Variants in LATS2 observed in about 807,000 individuals in gnomAD.
LATS2 encodes large tumor suppressor kinase 2.
LATS2 carries 24 observed loss-of-function variants against 76.0 expected under a neutral mutation model. The ratio of observed to expected loss-of-function variants is 0.32; its 90% CI spans 0.23 to 0.44. The LOEUF (loss-of-function observed/expected upper bound fraction) is 0.44, where lower values mean the gene tolerates loss of function less well. LATS2 is among the 20% of genes least tolerant of loss of function. LATS2 has a pLI of 1.00. For missense variants in LATS2, 1,286 were observed against 1,481.2 expected (o/e 0.87, Z 2.16); for synonymous variants, 692 against 635.4 (o/e 1.09, Z -1.34).
chr13:21,027,972 C>T (rs1170928978), intron 2 of LATS2, among the ~76,000 whole-genome samples: 1 of 151,744 alleles, frequency 6.6e-6, no homozygotes, highest in East Asian at 1.9e-4. Flanking sequence ...GGTACATGTG[C>T]ACAATGTGCC....
chr13:21,041,038 T>A (rs983822485), intron 2 of LATS2, among the ~76,000 whole-genome samples: 1 of 151,958 alleles, frequency 6.6e-6, no homozygotes, highest in Non-Finnish European at 1.5e-5. Flanking sequence ...AGTGGCACGA[T>A]CTGGGCTCAC....
At position 20,975,356 on chromosome 13, in the gene LATS2, G is replaced by C. The variant is rs971515728; in HGVS notation, c.2781C>G (p.Asn927Lys). Reference sequence around the variant, plus strand: ...CTGGAATGTGGAGCGTGTTCTCCCAGTTGATCACCTGAGGAAACAACAGAG... The same window carrying C: ...CTGGAATGTGGAGCGTGTTCTCCCACTTGATCACCTGAGGAAACAACAGAG... ...TPTETQLKVI[N>K]WENTLHIPAQ... The change falls in exon 8 of 8, where the codon AAC becomes AAG. Residue 927 changes from asparagine to lysine, a missense_variant. Transcript: ENST00000382592. 4 of 1,556,936 alleles carry C rather than the reference G, an allele frequency of 2.6e-6. No homozygotes were observed. The highest frequency in any genetic ancestry group is 2.4e-5 in the South Asian group (2 of 82,088).
At position 20,987,822 on chromosome 13, in the gene LATS2, C is replaced by T. The variant is rs573177459; in HGVS notation, c.1899+59G>A. ...AACAGAAAAGGGATTGTGCGTGCTT[C>T]CTATTGCCAGTAGAGGGATGAGCCG... On this transcript the variant is annotated intron_variant, in intron 4 of 7. Coordinates refer to ENST00000382592, the MANE Select transcript of LATS2 (RefSeq NM_014572.3). 4,877 of 1,565,150 alleles carry T rather than the reference C, an allele frequency of 3.1e-3. 11 individuals carry two copies. The highest frequency in any genetic ancestry group is 3.8e-3 in the Non-Finnish European group (4,344 of 1,152,210).
At position 20,973,037 on chromosome 13, in the gene LATS2, T is replaced by A; in HGVS notation, c.*1833A>T. On this transcript the variant is annotated 3_prime_UTR_variant, in exon 8 of 8. Coordinates refer to ENST00000382592, the MANE Select transcript of LATS2 (RefSeq NM_014572.3). Reference sequence around the variant, plus strand: ...TAAGACATGACACCAACTACGGGATTTGGATTCAAAATTTTAATAATAAAT... The same window carrying A: ...TAAGACATGACACCAACTACGGGATATGGATTCAAAATTTTAATAATAAAT... 4.7e-6 allele frequency: 1 copy of A among 214,422 alleles called. No individual in the cohort carries two copies. Among genetic ancestry groups the A allele is most frequent in the Middle Eastern group, 1.5e-3 (1 of 678 alleles). 13.3% of individuals were successfully genotyped at this position (214,422 alleles called of 1,614,324 possible). A position where few individuals can be genotyped will look rare whatever the true frequency, so the allele number is the denominator to read the frequency against.
In LATS2 at chr13:21,023,842, G is replaced by T. The variant is rs559238694; in HGVS notation, c.342+21843C>A. ...TACAAAATTAGCTGGGCATGGTGGC[G>T]CATGCCTATAATTTCAGCTATTCAG... On this transcript the variant is annotated intron_variant, in intron 2 of 7. Transcript: ENST00000382592. Among the ~76,000 whole-genome samples the T allele has an allele frequency of 5.3e-5, 8 of 151,712 alleles. 1 individual carries two copies. The South Asian group carries it at 1.7e-3, about 32-fold the overall frequency.
intron 2 of LATS2, among the ~76,000 whole-genome samples, chr13:21,025,026 T>C (rs948813846): frequency 1.3e-5 from 2 of 151,952 alleles, no homozygotes; most frequent in Non-Finnish European, 2.9e-5. Context: ...TTGATTTTTA[T>C]ATATTTAACA....
At chr13:21,036,496 C>T (rs1306667107) in intron 2 of LATS2, among the ~76,000 whole-genome samples, 2 of 152,074 alleles carry the variant, frequency 1.3e-5, no homozygotes, top group Non-Finnish European at 2.9e-5. Flanking sequence ...CAAAGCCCAG[C>T]CCTTGCGGTG....
intron 1 of LATS2, among the ~76,000 whole-genome samples, chr13:21,050,143 G>GATAC (rs1300323573): frequency 1.3e-4 from 2 of 14,898 alleles, no homozygotes; most frequent in East Asian, 9.4e-3. Context: ...TAGATAGATA[G>GATAC]ATAGATACAT....
At chr13:20,987,811 T>TG in intron 4 of LATS2, 70 bp downstream of exon 4, 1 of 1,529,278 alleles carries the variant, frequency 6.5e-7, no homozygotes, top group South Asian at 1.3e-5. Flanking sequence ...GAAAAGGGAT[T>TG]GTGCGTGCTT....
At chr13:21,013,070 T>C (rs1427533722) in intron 2 of LATS2, among the ~76,000 whole-genome samples, 1 of 152,218 alleles carries the variant, frequency 6.6e-6, no homozygotes, top group Non-Finnish European at 1.5e-5. Context: ...GGCTCTGTTC[T>C]AAGCACTGGG....
chr13:20,979,742 C>CA lies in LATS2; in HGVS notation c.2720dup (p.Val908GlyfsTer36). The CA allele has an allele frequency of 6.2e-7, 1 of 1,612,882 alleles. No homozygotes were observed. The highest frequency in any genetic ancestry group is 8.5e-7 in the Non-Finnish European group (1 of 1,179,234). On this transcript the variant is annotated frameshift_variant, in exon 7 of 8. Transcript: ENST00000382592. LOFTEE classifies it high-confidence loss of function. ...GTGCCAAAAAGGGCGGCTGCCCCAC[C>CA]AGCATCTCGAAGAGAATCACTCCAA...
intron 2 of LATS2, among the ~76,000 whole-genome samples, chr13:21,010,303 C>G (rs902193722): frequency 6.6e-6 from 1 of 152,106 alleles, no homozygotes; most frequent in Non-Finnish European, 1.5e-5. Flanking sequence ...AACTCTCCTC[C>G]CCTGCCAACC....
chr13:20,991,474 C>A lies in LATS2; in HGVS notation c.343-70G>T. On this transcript the variant is annotated intron_variant, in intron 2 of 7. Transcript: ENST00000382592. The surrounding 1 kb of genome is among the most constrained non-coding windows in gnomAD (Gnocchi z 4.9). Reference sequence around the variant, plus strand: ...CAAAGCCACCAAAGACTCCCATCCCCACTCCGTGCTGGACTGTGCTGGGAC... The same window carrying A: ...CAAAGCCACCAAAGACTCCCATCCCAACTCCGTGCTGGACTGTGCTGGGAC... 1 of 1,575,600 alleles carries A rather than the reference C, an allele frequency of 6.3e-7. No homozygotes were observed. Among genetic ancestry groups the A allele is most frequent in the Non-Finnish European group, 8.7e-7 (1 of 1,149,722 alleles).
At position 20,988,131 on chromosome 13, in the gene LATS2, T is replaced by A. The variant is rs771305486; in HGVS notation, c.1649A>T (p.Glu550Val). Residue 550 changes from glutamate (E) to valine (V), a missense_variant, in exon 4 of 8, where the codon GAG (glutamate) becomes GTG (valine). By Grantham distance (121) the Glu-to-Val change is moderately radical. Around this residue, in one of 5 missense-constraint regions of LATS2, gnomAD observed 710 missense variants for 660.9 expected, o/e 1.07. Coordinates refer to ENST00000382592, the MANE Select transcript of LATS2 (RefSeq NM_014572.3). Reference sequence around the variant, plus strand: ...GCGGCTCTTGTCGCCGCCCTCGGGCTCGTTGGGGCCCGCACGGAGGCTCTG... The same window carrying A: ...GCGGCTCTTGTCGCCGCCCTCGGGCACGTTGGGGCCCGCACGGAGGCTCTG... ...MEQSLRAGPN[E>V]PEGGDKSRKS... 6.2e-7 allele frequency: 1 copy of A among 1,614,210 alleles called. No homozygotes were observed.
At chr13:21,007,854 G>A (rs1223928492) in intron 2 of LATS2, among the ~76,000 whole-genome samples, 5 of 133,860 alleles carry the variant, frequency 3.7e-5, no homozygotes, top group East Asian at 2.1e-4. Flanking sequence ...CCACCTTCCC[G>A]GTTCAAGCGA....
intron 1 of LATS2, among the ~76,000 whole-genome samples, chr13:21,049,863 A>G (rs1477843398): frequency 1.3e-5 from 2 of 152,110 alleles, no homozygotes; most frequent in African/African-American, 4.8e-5. Flanking sequence ...GCTCATGCCT[A>G]TAATCCCAGC....
chr13:21,030,156 T>G (rs2138377616), intron 2 of LATS2, among the ~76,000 whole-genome samples: 1 of 150,942 alleles, frequency 6.6e-6, no homozygotes, highest in African/African-American at 2.4e-5. Context: ...TCCACCCCCA[T>G]GGTCTAATCA....
At chr13:21,056,178 C>T (rs1873442900) in intron 1 of LATS2, among the ~76,000 whole-genome samples, 1 of 152,010 alleles carries the variant, frequency 6.6e-6, no homozygotes, top group Non-Finnish European at 1.5e-5. Flanking sequence ...CTCTGGTTGC[C>T]CAGGCTGGAG....
intron 2 of LATS2, among the ~76,000 whole-genome samples, chr13:21,015,460 A>C (rs1871760858): frequency 6.6e-6 from 1 of 152,236 alleles, no homozygotes. Flanking sequence ...AGCTAACTGT[A>C]TAATTATCCA....
Sources: gnomAD v4.1 joint callset for allele counts (sites outside exome capture counted in the v4.1 genomes callset) on GRCh38, gnomAD v4.1.1 for gene constraint, gnomAD v4.1.1 regional missense constraint, Gnocchi (gnomAD v3.1) non-coding constraint, MANE v1.5 for transcripts, NCBI Gene and HGNC (gene_info 2026-07-23, HGNC 2026-07-21) for gene names.